The following SLC2A13 variants were observed in gnomAD, a reference collection of about 807,000 sequenced individuals.
The protein encoded by SLC2A13 is solute carrier family 2 member 13, also known as proton myo-inositol cotransporter.
In SLC2A13, 32 loss-of-function variants were observed where a neutral mutation model predicts 64.4. The ratio of observed to expected loss-of-function variants is 0.50; its 90% confidence interval spans 0.37 to 0.67. The LOEUF is 0.67. Among genes scored for constraint, SLC2A13 ranks in the 30% least tolerant of loss-of-function variants. SLC2A13 has a pLI of 0.00. For synonymous variants in SLC2A13, 338 were observed against 327.1 expected (o/e 1.03, Z -0.36); for missense variants, 743 against 829.2 (o/e 0.90, Z 1.28).
chr12:40,066,731 C>G (rs1354883776), intron 1 of SLC2A13, among the ~76,000 whole-genome samples: 1 of 152,012 alleles, frequency 6.6e-6, no homozygotes. Context: ...TCATAAGAGG[C>G]GGAAGATTGC....
At chr12:39,977,462 G>C (rs1413314516) in intron 3 of SLC2A13, among the ~76,000 whole-genome samples, 1 of 152,234 alleles carries the variant, frequency 6.6e-6, no homozygotes, top group Non-Finnish European at 1.5e-5. Flanking sequence ...GAAAGCAGTA[G>C]ACTGAGCTTC....
intron 1 of SLC2A13, among the ~76,000 whole-genome samples, chr12:40,049,529 T>A (rs1948221183): frequency 6.6e-6 from 1 of 152,114 alleles, no homozygotes; most frequent in African/African-American, 2.4e-5. Flanking sequence ...CAGGTGATTT[T>A]TGTTAGTTGA....
At chr12:40,033,956 A>ATCCCGCATT (rs928735191) in intron 2 of SLC2A13, among the ~76,000 whole-genome samples, 1 of 152,116 alleles carries the variant, frequency 6.6e-6, no homozygotes, top group African/African-American at 2.4e-5. Context: ...GAACAACTGC[A>ATCCCGCATT]TCCCGCATTT....
At chr12:40,076,946 C>T (rs1938200781) in intron 1 of SLC2A13, among the ~76,000 whole-genome samples, 1 of 152,004 alleles carries the variant, frequency 6.6e-6, no homozygotes, top group African/African-American at 2.4e-5. Context: ...TTCTTGTTGG[C>T]TGTGTGTGTC....
At chr12:40,002,693 G>A (rs943374850) in intron 3 of SLC2A13, among the ~76,000 whole-genome samples, 1 of 152,086 alleles carries the variant, frequency 6.6e-6, no homozygotes, top group South Asian at 2.1e-4. Flanking sequence ...ATCCATCCCC[G>A]TGAAGGGTTC....
rs528871878 is a variant in SLC2A13 at position 39,774,345 on chromosome 12, G to T, written c.1446-9487C>A. Among the ~76,000 whole-genome samples the T allele has an allele frequency of 1.2e-3, 187 of 152,256 alleles. 3 individuals are homozygous for T. Among genetic ancestry groups the T allele is most frequent in the Middle Eastern group, 6.8e-3 (2 of 294 alleles). Reference sequence around the variant, plus strand: ...CATCCCTTCAAAGCAACCATGAAAAGTTACTGTTACAAACTTGGCCCATTA... The same window carrying T: ...CATCCCTTCAAAGCAACCATGAAAATTTACTGTTACAAACTTGGCCCATTA... On this transcript the variant is annotated intron_variant, in intron 7 of 9. Transcript: ENST00000280871.
intron 7 of SLC2A13, among the ~76,000 whole-genome samples, chr12:39,777,555 T>C (rs1940820500): frequency 6.6e-6 from 1 of 152,178 alleles, no homozygotes; most frequent in African/African-American, 2.4e-5. Flanking sequence ...TTTGTTTTCC[T>C]GCACAAATGT....
chr12:40,043,161 T>C (rs771732504), intron 2 of SLC2A13, among the ~76,000 whole-genome samples: 14 of 152,124 alleles, frequency 9.2e-5, no homozygotes, highest in Non-Finnish European at 2.1e-4. Flanking sequence ...AACATTTTAC[T>C]AGTGGCATGC....
At chr12:39,779,662 T>C (rs939233485) in intron 7 of SLC2A13, among the ~76,000 whole-genome samples, 24 of 152,242 alleles carry the variant, frequency 1.6e-4, no homozygotes, top group Admixed American at 5.2e-4. Flanking sequence ...AGAAGACATA[T>C]ATTTGCTGTT....
At chr12:39,968,802 A>ATC (rs113272100) in intron 3 of SLC2A13, among the ~76,000 whole-genome samples, 40 of 130,380 alleles carry the variant, frequency 3.1e-4, no homozygotes, top group African/African-American at 1.2e-3. Context: ...ATATATATAT[A>ATC]TATATCTACA....
chr12:40,073,471 A>T (rs79213369), intron 1 of SLC2A13, among the ~76,000 whole-genome samples: 1 of 152,174 alleles, frequency 6.6e-6, no homozygotes, highest in Non-Finnish European at 1.5e-5. Context: ...ATGATTAATT[A>T]AAAAATGAAA....
intron 4 of SLC2A13, among the ~76,000 whole-genome samples, chr12:39,926,791 T>C (rs1193008110): frequency 1.3e-5 from 2 of 152,098 alleles, no homozygotes; most frequent in Non-Finnish European, 1.5e-5. Flanking sequence ...AGCTTTTTAA[T>C]TTTTGTAGAG....
chr12:39,962,124 A>G (rs551133772), intron 3 of SLC2A13, among the ~76,000 whole-genome samples: 2 of 152,174 alleles, frequency 1.3e-5, no homozygotes, highest in East Asian at 1.9e-4. Context: ...GAAAAGCCCT[A>G]TGGATTACCC....
chr12:40,094,619 G>A (rs1938876916), intron 1 of SLC2A13, among the ~76,000 whole-genome samples: 1 of 152,190 alleles, frequency 6.6e-6, no homozygotes, highest in African/African-American at 2.4e-5. Flanking sequence ...TGCCAGTGGA[G>A]TGGTAAGGAT....
intron 6 of SLC2A13, among the ~76,000 whole-genome samples, chr12:39,835,345 T>A (rs1325728943): frequency 6.6e-6 from 1 of 152,090 alleles, no homozygotes; most frequent in Non-Finnish European, 1.5e-5. Context: ...CTTAACAGTG[T>A]AAAAACCTAT....
chr12:39,777,954 A>G (rs1230947877), intron 7 of SLC2A13, among the ~76,000 whole-genome samples: 1 of 152,210 alleles, frequency 6.6e-6, no homozygotes, highest in Non-Finnish European at 1.5e-5. Context: ...TGAGCTGACT[A>G]ACACGAGCTA....
At chr12:39,791,060 T>C (rs1381488991) in intron 7 of SLC2A13, among the ~76,000 whole-genome samples, 1 of 139,824 alleles carries the variant, frequency 7.2e-6, no homozygotes, top group Non-Finnish European at 1.6e-5. Context: ...CACTTTTTGA[T>C]GGGGTTGTTT....
At chr12:39,996,767 G>A (rs879356425) in intron 3 of SLC2A13, among the ~76,000 whole-genome samples, 4 of 152,106 alleles carry the variant, frequency 2.6e-5, no homozygotes, top group African/African-American at 4.8e-5. Context: ...GTCAAAAATC[G>A]GGGTTTGGCC....
chr12:39,814,808 A>G (rs1022475471), intron 7 of SLC2A13, among the ~76,000 whole-genome samples: 5 of 152,228 alleles, frequency 3.3e-5, no homozygotes, highest in Non-Finnish European at 7.4e-5. Context: ...CATTATCACA[A>G]TTATGCATAT....
Sources: gnomAD v4.1 joint callset for allele counts (sites outside exome capture counted in the v4.1 genomes callset) on GRCh38, gnomAD v4.1.1 for gene constraint, MANE v1.5 for transcripts, NCBI Gene and HGNC (gene_info 2026-07-23, HGNC 2026-07-21) for gene names.